The following MAF variants were observed in gnomAD, a reference collection of about 807,000 sequenced individuals.
The protein encoded by MAF is MAF bZIP transcription factor, also known as transcription factor Maf.
Under a neutral mutation model 22.0 loss-of-function variants are expected in MAF, and 10 were observed. That is an observed-to-expected ratio of 0.45 (90% CI 0.28 to 0.77). The LOEUF (loss-of-function observed/expected upper bound fraction) is 0.77. Ranked by LOEUF, MAF falls within the 30% of genes least tolerant of loss-of-function variation. The pLI is 0.12. For synonymous variants in MAF, 337 were observed against 255.8 expected, an observed-to-expected ratio of 1.32 and a Z score of -3.03; for missense variants, 544 against 548.4, an observed-to-expected ratio of 0.99 and a Z score of 0.08.
the MAF span, among the ~76,000 whole-genome samples, chr16:79,444,650 C>T: frequency 2.0e-5 from 3 of 152,190 alleles, no homozygotes; most frequent in Non-Finnish European, 4.4e-5. Context: ...TAGTGCACCA[C>T]GAGAAATGCT....
the MAF span, among the ~76,000 whole-genome samples, chr16:79,376,559 T>C: frequency 5.3e-5 from 8 of 152,146 alleles, no homozygotes; most frequent in Non-Finnish European, 8.8e-5. Flanking sequence ...TAAGTTTTAG[T>C]GTACATGTGC....
At chr16:79,526,736 G>A in the MAF span, among the ~76,000 whole-genome samples, 14 of 152,106 alleles carry the variant, frequency 9.2e-5, no homozygotes, top group Non-Finnish European at 1.8e-4. Flanking sequence ...TCATTTCTGT[G>A]GTGAAAATAC....
the MAF span, among the ~76,000 whole-genome samples, chr16:79,386,763 G>C: frequency 3.3e-5 from 5 of 152,284 alleles, no homozygotes; most frequent in African/African-American, 1.2e-4. Flanking sequence ...GAAGGTGCTA[G>C]ATGGTGAGAT....
the MAF span, among the ~76,000 whole-genome samples, chr16:79,578,994 G>A: frequency 6.6e-6 from 1 of 152,102 alleles, no homozygotes; most frequent in East Asian, 1.9e-4. Context: ...GAAAAGACAT[G>A]GCTTTATATT....
At chr16:79,470,101 T>C in the MAF span, among the ~76,000 whole-genome samples, 1 of 152,232 alleles carries the variant, frequency 6.6e-6, no homozygotes, top group Non-Finnish European at 1.5e-5. Flanking sequence ...AAGAAAGACA[T>C]TTCATCACAA....
At chr16:79,386,319 G>T in the MAF span, among the ~76,000 whole-genome samples, 17 of 152,312 alleles carry the variant, frequency 1.1e-4, no homozygotes, top group African/African-American at 4.1e-4. Flanking sequence ...CCATCTGGGG[G>T]TGATGGGAGA....
chr16:79,260,805 G>A, the MAF span, among the ~76,000 whole-genome samples: 3 of 151,874 alleles, frequency 2.0e-5, no homozygotes, highest in African/African-American at 7.3e-5. Context: ...TGACTTCATA[G>A]ATGTTATTGC....
the MAF span, among the ~76,000 whole-genome samples, chr16:79,536,202 G>A: frequency 1.3e-5 from 2 of 152,186 alleles, no homozygotes; most frequent in Non-Finnish European, 2.9e-5. Context: ...CTTTGGCCCA[G>A]GCAGAGTCCA....
the MAF span, among the ~76,000 whole-genome samples, chr16:79,219,405 G>C: frequency 6.6e-6 from 1 of 151,968 alleles, no homozygotes; most frequent in African/African-American, 2.4e-5. Flanking sequence ...CAAAAAATTA[G>C]CCAGGCAAGG....
the MAF span, among the ~76,000 whole-genome samples, chr16:79,408,284 C>A: frequency 6.6e-6 from 1 of 151,988 alleles, no homozygotes; most frequent in Non-Finnish European, 1.5e-5. Context: ...TTAAGAAATT[C>A]TCCTGCCTCA....
chr16:79,325,534 G>A, the MAF span, among the ~76,000 whole-genome samples: 1 of 151,868 alleles, frequency 6.6e-6, no homozygotes, highest in Non-Finnish European at 1.5e-5. Context: ...TGTCTCAGGA[G>A]CCCTGGCTTC....
chr16:79,225,688 A>C, the MAF span, among the ~76,000 whole-genome samples: 39 of 152,064 alleles, frequency 2.6e-4, no homozygotes, highest in African/African-American at 9.4e-4. Flanking sequence ...AAGAAAAAAA[A>C]CCACACAACC....
the MAF span, among the ~76,000 whole-genome samples, chr16:79,218,701 C>G: frequency 6.6e-6 from 1 of 152,314 alleles, no homozygotes; most frequent in South Asian, 2.1e-4. Context: ...AGCATTCTGT[C>G]TTTCATTTTC....
chr16:79,465,347 C>A, the MAF span, among the ~76,000 whole-genome samples: 6 of 152,166 alleles, frequency 3.9e-5, no homozygotes, highest in Non-Finnish European at 7.3e-5. Flanking sequence ...AATCCCAGCA[C>A]TTTGGGAGGC....
At chr16:79,478,802 C>G in the MAF span, among the ~76,000 whole-genome samples, 2 of 152,016 alleles carry the variant, frequency 1.3e-5, no homozygotes, top group South Asian at 4.1e-4. Context: ...TCCTACGATA[C>G]CTGTGCACCA....
chr16:79,284,445 A>G, the MAF span, among the ~76,000 whole-genome samples: 1 of 152,204 alleles, frequency 6.6e-6, no homozygotes, highest in African/African-American at 2.4e-5. Flanking sequence ...GGCCTAAAGT[A>G]AGGCATCAAA....
chr16:79,520,850 G>T, the MAF span, among the ~76,000 whole-genome samples: 1 of 152,102 alleles, frequency 6.6e-6, no homozygotes, highest in Non-Finnish European at 1.5e-5. Context: ...CAAGGGAAGG[G>T]TATTCACCAT....
At chr16:79,216,192 G>T in the MAF span, among the ~76,000 whole-genome samples, 1 of 150,932 alleles carries the variant, frequency 6.6e-6, no homozygotes, top group East Asian at 1.9e-4. Context: ...TATATATGTC[G>T]TGCACATCTG....
At chr16:79,554,438 C>G in the MAF span, among the ~76,000 whole-genome samples, 1 of 152,100 alleles carries the variant, frequency 6.6e-6, no homozygotes, top group East Asian at 1.9e-4. Context: ...GGAAAAGACT[C>G]AAGAGAATTT....
Sources: gnomAD v4.1 joint callset for allele counts (sites outside exome capture counted in the v4.1 genomes callset) on GRCh38, gnomAD v4.1.1 for gene constraint, MANE v1.5 for transcripts, NCBI Gene and HGNC (gene_info 2026-07-23, HGNC 2026-07-21) for gene names.